Variants in PDE1C observed in about 807,000 individuals in gnomAD.
PDE1C encodes phosphodiesterase 1C.
PDE1C carries 62 observed loss-of-function variants against 93.1 expected under a neutral mutation model. The observed-to-expected ratio is 0.67, with a 90% CI of 0.54 to 0.82. The LOEUF (loss-of-function observed/expected upper bound fraction) is 0.82, where lower values mean the gene tolerates loss of function less well. Among genes scored for constraint, PDE1C ranks in the 40% least tolerant of loss-of-function variants. The pLI is 0.00. For missense variants in PDE1C, 742 were observed against 884.6 expected (o/e 0.84, Z 2.04); for synonymous variants, 325 against 310.1 (o/e 1.05, Z -0.50).
At chr7:31,681,244 A>G in the PDE1C span, among the ~76,000 whole-genome samples, 1 of 152,142 alleles carries the variant, frequency 6.6e-6, no homozygotes, top group South Asian at 2.1e-4. Flanking sequence ...CCCTGCCTCA[A>G]TCCACACAAA....
intron 1 of PDE1C, among the ~76,000 whole-genome samples, chr7:32,370,140 C>T (rs1784303788): frequency 6.6e-6 from 1 of 152,164 alleles, no homozygotes; most frequent in African/African-American, 2.4e-5. Flanking sequence ...CCATGGAATA[C>T]TATGCAGCCA....
intron 2 of PDE1C, among the ~76,000 whole-genome samples, chr7:31,973,558 A>G (rs1479602108): frequency 6.6e-6 from 1 of 152,154 alleles, no homozygotes; most frequent in African/African-American, 2.4e-5. Flanking sequence ...ATAACACAAT[A>G]TAATGTTTAT....
At chr7:32,030,955 T>C (rs1049051471) in intron 2 of PDE1C, among the ~76,000 whole-genome samples, 4 of 152,142 alleles carry the variant, frequency 2.6e-5, no homozygotes, top group Admixed American at 1.3e-4. Context: ...GCATATCCCA[T>C]AGAGCCTTTG....
chr7:31,717,912 G>C, the PDE1C span, among the ~76,000 whole-genome samples: 1 of 152,120 alleles, frequency 6.6e-6, no homozygotes, highest in Non-Finnish European at 1.5e-5. Context: ...AAACTGGCTG[G>C]TATCTACCGT....
intron 9 of PDE1C, among the ~76,000 whole-genome samples, chr7:31,842,849 C>G (rs1386490716): frequency 6.6e-6 from 1 of 151,550 alleles, no homozygotes. Flanking sequence ...GAACTTTTTT[C>G]TTTCCTACTA....
intron 15 of PDE1C, among the ~76,000 whole-genome samples, chr7:31,812,456 ATGGCCCATGGGTCAAACC>A (rs1787677266): frequency 6.6e-6 from 1 of 152,140 alleles, no homozygotes; most frequent in African/African-American, 2.4e-5. Flanking sequence ...TTGGCAAACT[ATGGCCCATGGGTCAAACC>A]TGGCCCTACT....
At chr7:32,295,631 C>G (rs913261997) in intron 1 of PDE1C, among the ~76,000 whole-genome samples, 1 of 152,166 alleles carries the variant, frequency 6.6e-6, no homozygotes, top group African/African-American at 2.4e-5. Context: ...GTGGCTCACG[C>G]CTGTAATCCC....
At chr7:31,747,109 C>T (rs537844196), downstream of PDE1C, among the ~76,000 whole-genome samples, 2 of 152,278 alleles carry the variant, frequency 1.3e-5, no homozygotes, top group African/African-American at 2.4e-5. Flanking sequence ...GTCCTGAATT[C>T]TATGTTGGAT....
chr7:32,065,649 G>A (rs1795315912), intron 1 of PDE1C, among the ~76,000 whole-genome samples: 1 of 152,158 alleles, frequency 6.6e-6, no homozygotes, highest in Admixed American at 6.5e-5. Flanking sequence ...TGTTAATTGA[G>A]TAATCCCATG....
the PDE1C span, among the ~76,000 whole-genome samples, chr7:31,737,589 G>A: frequency 6.6e-6 from 1 of 152,028 alleles, no homozygotes; most frequent in Non-Finnish European, 1.5e-5. Context: ...ATCACCTGAG[G>A]TCAGGAGTTC....
Position 31,801,137 on chromosome 7 carries a change from A to G in PDE1C, c.1891+7894T>C, listed in dbSNP as rs530240596. On this transcript the variant is annotated intron_variant, in intron 16 of 17. Coordinates refer to ENST00000396191, the MANE Select transcript of PDE1C (RefSeq NM_001191057.4). ...TAGCAAGCAGAAGAAAGGAAATAAT[A>G]AAGATGGATATTAATAAAATAGAAA... 2.0e-5 allele frequency among the ~76,000 whole-genome samples: 3 copies of G among 151,250 alleles called. No homozygotes were observed. The South Asian group carries it at 6.2e-4, about 31-fold the overall frequency.
intron 16 of PDE1C, among the ~76,000 whole-genome samples, chr7:31,801,946 T>C (rs1786105684): frequency 6.6e-6 from 1 of 151,594 alleles, no homozygotes; most frequent in Non-Finnish European, 1.5e-5. Flanking sequence ...ATATGTTTAA[T>C]AGTGGTGAAG....
chr7:32,017,602 T>A (rs903621755), intron 2 of PDE1C, among the ~76,000 whole-genome samples: 13 of 152,132 alleles, frequency 8.5e-5, no homozygotes, highest in Non-Finnish European at 1.8e-4. Context: ...ATCCCTATAT[T>A]TAATGAGGGA....
chr7:32,020,717 C>T (rs1196425281), intron 2 of PDE1C, among the ~76,000 whole-genome samples: 2 of 152,064 alleles, frequency 1.3e-5, no homozygotes, highest in Non-Finnish European at 2.9e-5. Context: ...TCAAACAAGG[C>T]CCAAAAGAGT....
chr7:32,085,820 C>G (rs939132817), intron 3 of PDE1C, among the ~76,000 whole-genome samples: 5 of 150,748 alleles, frequency 3.3e-5, no homozygotes, highest in African/African-American at 1.2e-4. Context: ...ATGCTAAAAA[C>G]TCTCAATAAA....
intron 7 of PDE1C, among the ~76,000 whole-genome samples, chr7:31,856,658 A>C (rs578203730): frequency 4.1e-4 from 61 of 149,368 alleles, no homozygotes; most frequent in African/African-American, 1.5e-3. Context: ...ACATGAGGAT[A>C]CTGAGGTGTA....
At chr7:31,739,575 A>G in the PDE1C span, among the ~76,000 whole-genome samples, 1 of 152,178 alleles carries the variant, frequency 6.6e-6, no homozygotes. Context: ...TGGTTACTTG[A>G]AGGATTGGAT....
chr7:31,666,627 C>T, the PDE1C span, among the ~76,000 whole-genome samples: 1 of 152,096 alleles, frequency 6.6e-6, no homozygotes, highest in Non-Finnish European at 1.5e-5. Flanking sequence ...AGGTATAAGT[C>T]ACATACAGTA....
At chr7:32,083,978 C>T (rs1303376378) in intron 3 of PDE1C, among the ~76,000 whole-genome samples, 22 of 150,258 alleles carry the variant, frequency 1.5e-4, no homozygotes, top group Non-Finnish European at 1.8e-4. Flanking sequence ...ATCATAATGA[C>T]AGGATCAAAT....
Sources: gnomAD v4.1 joint callset for allele counts (sites outside exome capture counted in the v4.1 genomes callset) on GRCh38, gnomAD v4.1.1 for gene constraint, MANE v1.5 for transcripts, NCBI Gene and HGNC (gene_info 2026-07-23, HGNC 2026-07-21) for gene names.